TCF4: variants seen among roughly 807,000 people sequenced by gnomAD.
TCF4 encodes SL3-3 enhancer factor 2.
Under a neutral mutation model 82.1 loss-of-function variants are expected in TCF4, and 3 were observed. The ratio of observed to expected loss-of-function variants is 0.04; its 90% CI spans 0.02 to 0.09. The LOEUF (loss-of-function observed/expected upper bound fraction) is 0.09. Ranked by LOEUF, TCF4 falls within the 10% of genes least tolerant of loss-of-function variation. The pLI is 1.00. For missense variants in TCF4, 518 were observed against 852.7 expected (o/e 0.61, Z 4.89); for synonymous variants, 276 against 309.6 (o/e 0.89, Z 1.14).
intron 8 of TCF4, among the ~76,000 whole-genome samples, chr18:55,323,689 C>T (rs963522209): frequency 5.3e-5 from 8 of 152,214 alleles, no homozygotes; most frequent in Admixed American, 5.2e-4. Flanking sequence ...ACCCTCACTG[C>T]TTAATACACA....
chr18:55,635,129 T>C (rs2097735033), intron 1 of TCF4, among the ~76,000 whole-genome samples: 1 of 152,096 alleles, frequency 6.6e-6, no homozygotes, highest in Non-Finnish European at 1.5e-5. Flanking sequence ...AGCAGCCAAC[T>C]TTAGAATGTT....
chr18:55,505,297 G>A lies in TCF4; in HGVS notation c.146-41160C>T, dbSNP rs181174685. On this transcript the variant is annotated intron_variant, in intron 3 of 19. Transcript: ENST00000354452. ...AGCCACCTTTTTATTGTCATATGCT[G>A]GATAGCTAACTAAAGTGTCTAAAAA... 2.0e-5 allele frequency among the ~76,000 whole-genome samples: 3 copies of A among 152,126 alleles called. No individual in the cohort carries two copies. The East Asian group carries it at 5.8e-4, about 29-fold the overall frequency.
intron 8 of TCF4, chr18:55,322,499 T>G: frequency 1.0e-6 from 1 of 982,140 alleles, no homozygotes; most frequent in Non-Finnish European, 1.2e-6. Context: ...CAGTGTTTTC[T>G]GACTGCTTGG....
chr18:55,588,408 A>G, upstream of TCF4: 2 of 1,533,746 alleles, frequency 1.3e-6, no homozygotes. Flanking sequence ...GAGGGGAAAA[A>G]AAAAAAATCT....
At chr18:55,431,865 G>C (rs543559041) in intron 5 of TCF4, among the ~76,000 whole-genome samples, 7 of 152,282 alleles carry the variant, frequency 4.6e-5, no homozygotes, top group African/African-American at 1.7e-4. Context: ...CTAATGTCGG[G>C]GGGGTCTTCC....
chr18:55,592,544 G>A (rs1280759885), upstream of TCF4, among the ~76,000 whole-genome samples: 1 of 152,076 alleles, frequency 6.6e-6, no homozygotes, highest in African/African-American at 2.4e-5. Context: ...CCTAATACTA[G>A]CACATTGGGA....
Position 55,433,263 on chromosome 18 carries a change from C to T in TCF4, c.304+27756G>A, listed in dbSNP as rs549259221. Among the ~76,000 whole-genome samples the T allele has an allele frequency of 2.6e-5, 4 of 152,322 alleles. No homozygotes were observed. In the East Asian group the frequency reaches 7.7e-4, roughly 29 times the overall value. On this transcript the variant is annotated intron_variant, in intron 5 of 19. Coordinates refer to ENST00000354452, the MANE Select transcript of TCF4 (RefSeq NM_001083962.2). The stretch of plus-strand genomic sequence containing the variant: ...GGATTATTTTAACCTTTCTGTCCCT[C>T]CTACCTTCCTTATGGGTAAAATGCA...
At chr18:55,270,018 G>A in intron 10 of TCF4, 55 bp from the exon 11 acceptor site, 1 of 1,604,958 alleles carries the variant, frequency 6.2e-7, no homozygotes, top group East Asian at 2.2e-5. Flanking sequence ...TATTTAGTGA[G>A]TTATTTTCAA....
At position 55,494,986 on chromosome 18, in the gene TCF4, C is replaced by G. The variant is rs555215208; in HGVS notation, c.146-30849G>C. ...TCTTTAAAAAAAAAAAAAAAGAAAT[C>G]TACACAAAGAAACACAGCTCAAAGA... On this transcript the variant is annotated intron_variant, in intron 3 of 19. Transcript: ENST00000354452. Among the ~76,000 whole-genome samples, 76 of 147,696 alleles carry G rather than the reference C, an allele frequency of 5.1e-4. 1 individual carries two copies. In the South Asian group the frequency reaches 0.015, roughly 30 times the overall value.
intron 1 of TCF4, 82 bp downstream of exon 1, chr18:55,587,956 G>C: frequency 1.0e-6 from 1 of 952,668 alleles, no homozygotes; most frequent in South Asian, 4.8e-5. Context: ...GAGGCGCGGA[G>C]CCGCGTGCGG....
chr18:55,627,529 C>G (rs988679314), intron 2 of TCF4, among the ~76,000 whole-genome samples: 12 of 152,096 alleles, frequency 7.9e-5, no homozygotes, highest in African/African-American at 2.9e-4. Flanking sequence ...TTTGGGAGGC[C>G]AAGGCGGGTG....
At chr18:55,323,125 G>A (rs1235085032) in intron 8 of TCF4, among the ~76,000 whole-genome samples, 1 of 152,030 alleles carries the variant, frequency 6.6e-6, no homozygotes, top group East Asian at 1.9e-4. Context: ...AAAGGCGGGG[G>A]GAGGTACAAA....
intron 5 of TCF4, among the ~76,000 whole-genome samples, chr18:55,431,690 G>A (rs549898395): frequency 1.4e-4 from 21 of 152,248 alleles, no homozygotes; most frequent in South Asian, 6.2e-4. Context: ...GGCAGCAGGC[G>A]GTGATGAGAA....
At chr18:55,533,150 A>C (rs1029194435) in intron 3 of TCF4, among the ~76,000 whole-genome samples, 2 of 152,164 alleles carry the variant, frequency 1.3e-5, no homozygotes, top group Admixed American at 6.5e-5. Context: ...TCATGTTCAA[A>C]AATACAACAA....
intron 3 of TCF4, among the ~76,000 whole-genome samples, chr18:55,542,839 G>T (rs1281615371): frequency 2.6e-5 from 4 of 151,944 alleles, no homozygotes; most frequent in African/African-American, 9.7e-5. Context: ...AACAGATACC[G>T]TTTTAAATTT....
At chr18:55,526,107 C>A (rs1028116385) in intron 3 of TCF4, among the ~76,000 whole-genome samples, 4 of 152,188 alleles carry the variant, frequency 2.6e-5, no homozygotes, top group African/African-American at 9.6e-5. Context: ...TCATCAGTAG[C>A]TATGTGCCAT....
intron 8 of TCF4, chr18:55,284,169 T>G (rs2063195728): frequency 6.6e-6 from 1 of 151,978 alleles, no homozygotes; most frequent in African/African-American, 2.4e-5. Flanking sequence ...TCCCAGCACT[T>G]TGGGAGGTTG....
At chr18:55,289,702 T>C (rs2064565350) in intron 8 of TCF4, among the ~76,000 whole-genome samples, 1 of 152,144 alleles carries the variant, frequency 6.6e-6, no homozygotes, top group African/African-American at 2.4e-5. Context: ...GTTTTATCAA[T>C]TAAATGAGGG....
chr18:55,321,595 A>C (rs1243242262), intron 8 of TCF4: 1 of 1,534,494 alleles, frequency 6.5e-7, no homozygotes, highest in African/African-American at 1.4e-5. Context: ...GCAAACAATG[A>C]TCACCACCTA....
Sources: gnomAD v4.1 joint callset for allele counts (sites outside exome capture counted in the v4.1 genomes callset) on GRCh38, gnomAD v4.1.1 for gene constraint, MANE v1.5 for transcripts, NCBI Gene and HGNC (gene_info 2026-07-23, HGNC 2026-07-21) for gene names.